The following CACNA1E variants were observed in gnomAD, a reference collection of about 807,000 sequenced individuals.
The protein encoded by CACNA1E is voltage-dependent R-type calcium channel subunit alpha-1E.
A neutral mutation model predicts 259.2 loss-of-function variants in CACNA1E; 40 were observed. The ratio of observed to expected loss-of-function variants is 0.15; its 90% confidence interval spans 0.12 to 0.20. The LOEUF (loss-of-function observed/expected upper bound fraction) is 0.20, where lower values mean the gene tolerates loss of function less well. Among genes scored for constraint, CACNA1E ranks in the 10% least tolerant of loss-of-function variants. CACNA1E has a pLI of 1.00. For missense variants in CACNA1E, 1,874 were observed against 3,040.1 expected, an observed-to-expected ratio of 0.62 and a Z score of 9.02; for synonymous variants, 1,104 against 1,138.5, an observed-to-expected ratio of 0.97 and a Z score of 0.61.
intron 1 of CACNA1E, among the ~76,000 whole-genome samples, chr1:181,494,345 TC>T (rs1664566100): frequency 6.6e-6 from 1 of 151,916 alleles, no homozygotes; most frequent in Admixed American, 6.6e-5. Flanking sequence ...GAAGTGGCAT[TC>T]CGTTTCTGAC....
At chr1:181,481,690 A>T (rs1433630554), upstream of CACNA1E, among the ~76,000 whole-genome samples, 1 of 152,192 alleles carries the variant, frequency 6.6e-6, no homozygotes, top group Non-Finnish European at 1.5e-5. Context: ...GCTAGTGTGG[A>T]CATGGGAGGG....
chr1:181,629,485 G>GA (rs1656497141), intron 6 of CACNA1E, among the ~76,000 whole-genome samples: 2 of 151,982 alleles, frequency 1.3e-5, no homozygotes, highest in African/African-American at 4.8e-5. Context: ...GATTGAGAGG[G>GA]AAAAAACATG....
rs551431602 is a variant in CACNA1E at position 181,547,427 on chromosome 1, C to T, written c.513-30339C>T. On this transcript the variant is annotated intron_variant, in intron 3 of 47. Transcript: ENST00000367573. ...CCTGTGCATCTTTCAAAGCCTTTCA[C>T]GATGACACGGGCTGGTGCATTTGCA... Among the ~76,000 whole-genome samples the T allele has an allele frequency of 1.8e-4, 28 of 152,352 alleles. No individual in the cohort carries two copies. The South Asian group carries it at 5.8e-3, about 32-fold the overall frequency.
At chr1:181,377,115 T>C (rs1330273343) in intron 1 of CACNA1E, among the ~76,000 whole-genome samples, 1 of 152,200 alleles carries the variant, frequency 6.6e-6, no homozygotes, top group East Asian at 1.9e-4. Context: ...CAAGCACTTA[T>C]AAAGAACGTA....
intron 7 of CACNA1E, among the ~76,000 whole-genome samples, chr1:181,690,502 A>G (rs1651036017): frequency 6.6e-6 from 1 of 152,134 alleles, no homozygotes; most frequent in Non-Finnish European, 1.5e-5. Context: ...GTTTTTTCCA[A>G]TTCTGTGAAG....
chr1:181,497,850 G>A (rs1054502269), intron 1 of CACNA1E, among the ~76,000 whole-genome samples: 1 of 152,196 alleles, frequency 6.6e-6, no homozygotes, highest in Admixed American at 6.5e-5. Context: ...GTAGATGGAA[G>A]AAGAGCAACT....
intron 7 of CACNA1E, among the ~76,000 whole-genome samples, chr1:181,674,622 C>T (rs550949049): frequency 6.6e-6 from 1 of 152,090 alleles, no homozygotes; most frequent in Admixed American, 6.5e-5. Context: ...GCTGCGAATT[C>T]CCATGTTTTC....
At chr1:181,521,586 A>C (rs1666998273) in intron 3 of CACNA1E, among the ~76,000 whole-genome samples, 1 of 152,216 alleles carries the variant, frequency 6.6e-6, no homozygotes, top group South Asian at 2.1e-4. Context: ...GTGTTCAAAC[A>C]TTGTGCTGAC....
chr1:181,571,999 T>C (rs1395011826), intron 3 of CACNA1E, among the ~76,000 whole-genome samples: 1 of 152,198 alleles, frequency 6.6e-6, no homozygotes, highest in East Asian at 1.9e-4. Flanking sequence ...AGATAAACAA[T>C]GAATATTCCA....
chr1:181,728,921 T>C (rs1213939354), intron 18 of CACNA1E, among the ~76,000 whole-genome samples: 5 of 90,248 alleles, frequency 5.5e-5, no homozygotes, highest in Admixed American at 1.0e-4. Context: ...CACAGATGTG[T>C]GAACATTGCT....
chr1:181,469,457 C>T (rs1662355348), intron 2 of CACNA1E, among the ~76,000 whole-genome samples: 1 of 151,912 alleles, frequency 6.6e-6, no homozygotes, highest in Non-Finnish European at 1.5e-5. Context: ...GATGAGTTTG[C>T]TTTTAAACAA....
intron 1 of CACNA1E, among the ~76,000 whole-genome samples, chr1:181,399,584 A>G (rs144555305): frequency 1.7e-4 from 26 of 152,330 alleles, no homozygotes; most frequent in Non-Finnish European, 3.7e-4. Flanking sequence ...ATCCCTGTCA[A>G]CGGAGGTGTT....
intron 26 of CACNA1E, 66 bp from the exon 27 acceptor site, chr1:181,752,077 T>G: frequency 9.0e-7 from 1 of 1,109,624 alleles, no homozygotes; most frequent in African/African-American, 1.5e-5. Context: ...ACTAATGCCA[T>G]AGTTTGAATG....
intron 3 of CACNA1E, among the ~76,000 whole-genome samples, chr1:181,563,138 T>C (rs1293410974): frequency 1.3e-5 from 2 of 152,154 alleles, no homozygotes; most frequent in African/African-American, 4.8e-5. Context: ...TATAAAACTT[T>C]ATGATTGCCT....
intron 1 of CACNA1E, among the ~76,000 whole-genome samples, chr1:181,383,618 A>G (rs1655623017): frequency 6.6e-6 from 1 of 152,238 alleles, no homozygotes; most frequent in Non-Finnish European, 1.5e-5. Context: ...TAGGATCATC[A>G]ATCTGATTTT....
At chr1:181,752,510 T>C (rs1018721926) in intron 27 of CACNA1E, among the ~76,000 whole-genome samples, 2 of 152,210 alleles carry the variant, frequency 1.3e-5, no homozygotes, top group African/African-American at 4.8e-5. Flanking sequence ...GAGGGAATCC[T>C]GTGTGGCTTT....
Position 181,717,203 on chromosome 1 carries a change from C to T in CACNA1E, c.1426C>T (p.Gln476Ter). 6.2e-7 allele frequency: 1 copy of T among 1,614,012 alleles called. No individual in the cohort carries two copies. Among genetic ancestry groups the T allele is most frequent in the Non-Finnish European group, 8.5e-7 (1 of 1,179,882 alleles). ...RISIRHMVKS[Q>*]VFYWIVLSLV... ...CTCCATTCGCCACATGGTTAAATCC[C>T]AGGTGTTTTACTGGATTGTGCTGAG... is the stretch of plus-strand genomic sequence containing the variant. Residue 476 changes from glutamine (Q) to a stop codon, truncating the protein, a stop_gained, in exon 11 of 48, where the codon CAG becomes TAG. Transcript: ENST00000367573. LOFTEE classifies it high-confidence loss of function.
intron 2 of CACNA1E, among the ~76,000 whole-genome samples, chr1:181,445,449 C>A (rs1660735126): frequency 6.6e-6 from 1 of 151,600 alleles, no homozygotes; most frequent in Admixed American, 6.6e-5. Flanking sequence ...GGTTTCAGGG[C>A]TGGAGAGGAT....
At chr1:181,720,436 G>A in intron 14 of CACNA1E, 99 bp downstream of exon 14, 1 of 1,344,366 alleles carries the variant, frequency 7.4e-7, no homozygotes, top group South Asian at 1.3e-5. Context: ...TTACTATCCT[G>A]TCTGCCTTTG....
Sources: gnomAD v4.1 joint callset for allele counts (sites outside exome capture counted in the v4.1 genomes callset) on GRCh38, gnomAD v4.1.1 for gene constraint, MANE v1.5 for transcripts, NCBI Gene and HGNC (gene_info 2026-07-23, HGNC 2026-07-21) for gene names.